The following IQCJ variants were observed in gnomAD, a reference collection of about 807,000 sequenced individuals.
IQCJ encodes IQ motif containing J, also known as IQ domain-containing protein J.
A neutral mutation model predicts 11.0 loss-of-function variants in IQCJ; 9 were observed. That is an observed-to-expected ratio of 0.82 (90% confidence interval 0.49 to 1.43). The LOEUF is 1.43. Ranked by LOEUF, IQCJ falls within the 40% of genes most tolerant of loss-of-function variation. The probability of loss-of-function intolerance (pLI) is 0.00; values close to 1 mark genes in which losing one functional copy is unlikely to be tolerated. For missense variants in IQCJ, 146 were observed against 133.2 expected, an observed-to-expected ratio of 1.10 and a Z score of -0.47; for synonymous variants, 55 against 51.3, an observed-to-expected ratio of 1.07 and a Z score of -0.31.
At chr3:159,186,525 T>C (rs1282180089) in intron 1 of IQCJ, among the ~76,000 whole-genome samples, 1 of 152,190 alleles carries the variant, frequency 6.6e-6, no homozygotes, top group East Asian at 1.9e-4. Flanking sequence ...GCATCTGTTA[T>C]TCAGAATCAG....
intron 1 of IQCJ, chr3:159,069,843 TTGTGTGTG>T (rs34425057): frequency 0.15 from 45,157 of 300,148 alleles, 3,369 homozygotes; most frequent in East Asian, 0.2. Context: ...CCCTCCTTTC[TTGTGTGTG>T]TGTGTGTGTG....
chr3:159,199,671 T>A (rs1357333566), intron 1 of IQCJ, among the ~76,000 whole-genome samples: 1 of 152,120 alleles, frequency 6.6e-6, no homozygotes. Flanking sequence ...GAAACATTCA[T>A]CTGGAGCTTA....
At chr3:159,133,083 T>C (rs758991993) in intron 1 of IQCJ, among the ~76,000 whole-genome samples, 4 of 152,146 alleles carry the variant, frequency 2.6e-5, no homozygotes, top group Non-Finnish European at 4.4e-5. Context: ...CATTTGCTTG[T>C]GTGAAAAAAT....
chr3:159,241,242 T>A (rs1726903023), intron 1 of IQCJ, among the ~76,000 whole-genome samples: 1 of 151,804 alleles, frequency 6.6e-6, no homozygotes. Context: ...ACCCCATCTC[T>A]ATTAAAAATA....
chr3:159,073,941 C>CAA, intron 1 of IQCJ, among the ~76,000 whole-genome samples: 1 of 151,758 alleles, frequency 6.6e-6, no homozygotes, highest in African/African-American at 2.4e-5. Flanking sequence ...AAGGTTGTGT[C>CAA]GGAATTTGTA....
intron 1 of IQCJ, among the ~76,000 whole-genome samples, chr3:159,075,824 G>A (rs1715875422): frequency 6.6e-6 from 1 of 152,122 alleles, no homozygotes; most frequent in African/African-American, 2.4e-5. Context: ...AAAACTGCTA[G>A]AGAGGCTTGA....
chr3:159,191,850 GCT>G (rs1258498208), intron 1 of IQCJ, among the ~76,000 whole-genome samples: 1 of 152,194 alleles, frequency 6.6e-6, no homozygotes, highest in Admixed American at 6.5e-5. Flanking sequence ...TTGGACACAA[GCT>G]CTGTTTCCCA....
chr3:159,170,106 A>G (rs2108235897), intron 1 of IQCJ, among the ~76,000 whole-genome samples: 2 of 152,356 alleles, frequency 1.3e-5, no homozygotes, highest in East Asian at 3.9e-4. Flanking sequence ...TCTCACTCAG[A>G]AAAAGATGCA....
chr3:159,194,876 G>A (rs1723892502), intron 1 of IQCJ, among the ~76,000 whole-genome samples: 1 of 152,130 alleles, frequency 6.6e-6, no homozygotes, highest in African/African-American at 2.4e-5. Context: ...ACTTTGGGAG[G>A]CCGAAGTGGG....
intron 1 of IQCJ, among the ~76,000 whole-genome samples, chr3:159,132,233 G>A (rs2108163071): frequency 6.6e-6 from 1 of 152,178 alleles, no homozygotes; most frequent in African/African-American, 2.4e-5. Flanking sequence ...GTTACCTTGG[G>A]GTTGTCTCCT....
chr3:159,172,770 C>T (rs1034710275), intron 1 of IQCJ, among the ~76,000 whole-genome samples: 173 of 1,120 alleles, frequency 0.15, no homozygotes, highest in African/African-American at 0.33. Flanking sequence ...CAAAGGCGGG[C>T]GGGGGGGTGG....
chr3:159,159,173 A>G (rs1313550487), intron 1 of IQCJ, among the ~76,000 whole-genome samples: 5 of 152,118 alleles, frequency 3.3e-5, no homozygotes, highest in African/African-American at 1.2e-4. Context: ...ATTTTGGTGG[A>G]CTCTGGGCTA....
chr3:159,069,493 C>T, intron 1 of IQCJ, 52 bp downstream of exon 1: 5 of 1,570,250 alleles, frequency 3.2e-6, no homozygotes, highest in Non-Finnish European at 3.4e-6. Context: ...TTATATGCAG[C>T]TGCTTATTAT....
chr3:159,241,506 G>A (rs181381243), intron 1 of IQCJ, among the ~76,000 whole-genome samples: 1 of 152,318 alleles, frequency 6.6e-6, no homozygotes, highest in Non-Finnish European at 1.5e-5. Flanking sequence ...TGAAACAGAT[G>A]TTCACAGCAT....
chr3:159,103,549 A>G (rs1489908230), intron 1 of IQCJ, among the ~76,000 whole-genome samples: 1 of 152,258 alleles, frequency 6.6e-6, no homozygotes, highest in East Asian at 1.9e-4. Flanking sequence ...ACAATTTAGG[A>G]CAAAAAGCCC....
rs566285690 is a variant in IQCJ, at chr3:159,136,078, G to A, written c.9+66637G>A. 8.4e-4 allele frequency among the ~76,000 whole-genome samples: 128 copies of A among 152,282 alleles called. 1 individual carries two copies. The highest frequency in any genetic ancestry group is 2.9e-3 in the African/African-American group (121 of 41,550). On this transcript the variant is annotated intron_variant, in intron 1 of 3. Transcript: ENST00000397832. ...GCTCAAGACAACAGCTCCAGTAAAT[G>A]GCTGGAGTGAGAATTTGAATCTGGG...
chr3:159,072,500 T>A (rs946212503), intron 1 of IQCJ, among the ~76,000 whole-genome samples: 2 of 152,062 alleles, frequency 1.3e-5, no homozygotes, highest in African/African-American at 4.8e-5. Flanking sequence ...ATTACAGAGT[T>A]GGGCTTTAAA....
At position 159,247,671 on chromosome 3, in the gene IQCJ, G is replaced by T. The variant is rs183138061; in HGVS notation, c.74+1764G>T. On this transcript the variant is annotated intron_variant, in intron 2 of 3. Transcript: ENST00000397832. ...TCTCCGTCAGACTAGGTAGGTCAGA[G>T]AATTTGTTTATGACCAGATTTTACA... Among the ~76,000 whole-genome samples the T allele has an allele frequency of 2.4e-4, 36 of 152,302 alleles. No homozygotes were observed. The East Asian group carries it at 5.4e-3, about 23-fold the overall frequency.
chr3:159,160,909 ACTTTCTTATT>A (rs2108219143), intron 1 of IQCJ, among the ~76,000 whole-genome samples: 1 of 152,248 alleles, frequency 6.6e-6, no homozygotes, highest in East Asian at 1.9e-4. Flanking sequence ...TATATGCCAC[ACTTTCTTATT>A]CCAGTCTATC....
Sources: gnomAD v4.1 joint callset for allele counts (sites outside exome capture counted in the v4.1 genomes callset) on GRCh38, gnomAD v4.1.1 for gene constraint, MANE v1.5 for transcripts, NCBI Gene and HGNC (gene_info 2026-07-23, HGNC 2026-07-21) for gene names.